GALNT13: variants seen among roughly 807,000 people sequenced by gnomAD.
GALNT13 encodes UDP-GalNAc:polypeptide N-acetylgalactosaminyltransferase 13.
Under a neutral mutation model 64.2 loss-of-function variants are expected in GALNT13, and 28 were observed. The ratio of observed to expected loss-of-function variants is 0.44; its 90% CI spans 0.32 to 0.60. The LOEUF is 0.60. Among genes scored for constraint, GALNT13 ranks in the 20% least tolerant of loss-of-function variants. The pLI is 0.05. For missense variants in GALNT13, 577 were observed against 669.8 expected, an observed-to-expected ratio of 0.86 and a Z score of 1.53; for synonymous variants, 214 against 224.6, an observed-to-expected ratio of 0.95 and a Z score of 0.42.
chr2:154,317,100 C>T (rs907438832), intron 9 of GALNT13, among the ~76,000 whole-genome samples: 1 of 151,792 alleles, frequency 6.6e-6, no homozygotes, highest in African/African-American at 2.4e-5. Flanking sequence ...GTAGTCCCAG[C>T]TACTCAGGAG....
At chr2:153,899,421 A>G (rs1206339056) in intron 1 of GALNT13, among the ~76,000 whole-genome samples, 1 of 152,228 alleles carries the variant, frequency 6.6e-6, no homozygotes, top group Non-Finnish European at 1.5e-5. Flanking sequence ...GAAGAAGAAT[A>G]TATATCTTTT....
chr2:153,919,919 GAATGTGT>G (rs1689635687), intron 2 of GALNT13, among the ~76,000 whole-genome samples: 1 of 149,680 alleles, frequency 6.7e-6, no homozygotes, highest in African/African-American at 2.4e-5. Context: ...TCTTCAAACT[GAATGTGT>G]ATAGGGGTTG....
intron 3 of GALNT13, among the ~76,000 whole-genome samples, chr2:154,053,477 C>T (rs757390263): frequency 1.3e-5 from 2 of 150,678 alleles, no homozygotes; most frequent in African/African-American, 2.4e-5. Flanking sequence ...TAAAACTTTT[C>T]TGGCCTGGAT....
the GALNT13 span, among the ~76,000 whole-genome samples, chr2:153,580,833 T>G: frequency 6.6e-6 from 1 of 152,188 alleles, no homozygotes; most frequent in South Asian, 2.1e-4. Flanking sequence ...TACCAACATA[T>G]ACTCCAGTCA....
intron 4 of GALNT13, among the ~76,000 whole-genome samples, chr2:154,160,587 G>T (rs964282570): frequency 6.6e-6 from 1 of 151,880 alleles, no homozygotes; most frequent in African/African-American, 2.4e-5. Flanking sequence ...ACCAAGTCAT[G>T]TTACTATCCC....
chr2:153,506,546 T>C, the GALNT13 span, among the ~76,000 whole-genome samples: 2 of 152,034 alleles, frequency 1.3e-5, no homozygotes, highest in African/African-American at 4.8e-5. Context: ...AGTGATGAAT[T>C]CTCTCAGCAT....
chr2:153,502,377 C>A, the GALNT13 span, among the ~76,000 whole-genome samples: 3 of 152,314 alleles, frequency 2.0e-5, no homozygotes, highest in East Asian at 5.8e-4. Flanking sequence ...CTTAGAATAA[C>A]AATTTCAAAT....
chr2:153,402,399 AT>A, the GALNT13 span, among the ~76,000 whole-genome samples: 1 of 150,498 alleles, frequency 6.6e-6, no homozygotes, highest in African/African-American at 2.4e-5. Context: ...TCTGACAATT[AT>A]GTGTCTTGGA....
At chr2:153,769,599 G>T in the GALNT13 span, among the ~76,000 whole-genome samples, 1 of 152,072 alleles carries the variant, frequency 6.6e-6, no homozygotes, top group African/African-American at 2.4e-5. Context: ...AGTTCTCTGA[G>T]CTTCTTGTAT....
the GALNT13 span, among the ~76,000 whole-genome samples, chr2:153,670,526 C>T: frequency 6.6e-6 from 1 of 152,210 alleles, no homozygotes; most frequent in African/African-American, 2.4e-5. Flanking sequence ...AGGACATCTA[C>T]ACCAAAACCC....
chr2:153,408,230 G>A, the GALNT13 span, among the ~76,000 whole-genome samples: 1 of 152,124 alleles, frequency 6.6e-6, no homozygotes, highest in Admixed American at 6.5e-5. Flanking sequence ...AGGGTTCCAG[G>A]CCAGGGAGCT....
chr2:153,969,867 T>C (rs1321010028), intron 3 of GALNT13, among the ~76,000 whole-genome samples: 1 of 152,178 alleles, frequency 6.6e-6, no homozygotes, highest in Non-Finnish European at 1.5e-5. Context: ...GCATGCCTAA[T>C]CCTACTTACT....
the GALNT13 span, among the ~76,000 whole-genome samples, chr2:153,375,797 T>C: frequency 1.3e-5 from 2 of 152,286 alleles, no homozygotes; most frequent in East Asian, 1.9e-4. Context: ...ATTTTGTCCA[T>C]AGGTATTTCT....
At chr2:154,232,672 C>T (rs538276494) in intron 4 of GALNT13, among the ~76,000 whole-genome samples, 5 of 152,108 alleles carry the variant, frequency 3.3e-5, no homozygotes, top group South Asian at 2.1e-4. Flanking sequence ...AAACCCAGCT[C>T]CACTACATAG....
At chr2:153,612,617 G>C in the GALNT13 span, among the ~76,000 whole-genome samples, 2 of 148,590 alleles carry the variant, frequency 1.3e-5, no homozygotes, top group African/African-American at 5.0e-5. Context: ...TCGAGGTTTT[G>C]TATCAATAAG....
intron 4 of GALNT13, among the ~76,000 whole-genome samples, chr2:154,145,496 A>G (rs1054883892): frequency 6.6e-6 from 1 of 152,032 alleles, no homozygotes; most frequent in African/African-American, 2.4e-5. Context: ...CAGTCATTTA[A>G]TAACACTTCA....
the GALNT13 span, among the ~76,000 whole-genome samples, chr2:153,380,526 A>G: frequency 6.6e-6 from 1 of 151,906 alleles, no homozygotes; most frequent in African/African-American, 2.4e-5. Flanking sequence ...ATATGCAAAT[A>G]CTACAGCATT....
the GALNT13 span, among the ~76,000 whole-genome samples, chr2:153,263,114 C>A: frequency 6.6e-6 from 1 of 151,914 alleles, no homozygotes; most frequent in Non-Finnish European, 1.5e-5. Flanking sequence ...GGTACAAAAT[C>A]AATGTGCAAA....
chr2:153,520,129 T>C, the GALNT13 span, among the ~76,000 whole-genome samples: 1 of 152,220 alleles, frequency 6.6e-6, no homozygotes, highest in Non-Finnish European at 1.5e-5. Context: ...AAAAAAAATT[T>C]ACTCATTTAA....
Sources: allele counts gnomAD v4.1 joint callset (sites outside exome capture counted in the v4.1 genomes callset), GRCh38; gene constraint gnomAD v4.1.1; transcripts MANE v1.5; gene names NCBI Gene and HGNC (gene_info 2026-07-23, HGNC 2026-07-21).